FANCD2: variants seen among roughly 807,000 people sequenced by gnomAD.
The protein encoded by FANCD2 is FA complementation group D2, also known as Fanconi anemia group D2 protein.
FANCD2 carries 131 observed loss-of-function variants against 192.3 expected under a neutral mutation model. That is an observed-to-expected ratio of 0.68 (90% CI 0.59 to 0.79). FANCD2 has a LOEUF of 0.79. Among genes scored for constraint, FANCD2 ranks in the 30% least tolerant of loss-of-function variants. FANCD2 has a pLI of 0.00. For synonymous variants in FANCD2, 524 were observed against 612.5 expected (o/e 0.86, Z 2.13); for missense variants, 1,508 against 1,701.6 (o/e 0.89, Z 2.00).
rs571393190 is a variant in FANCD2, at chr3:10,073,145, C to T, written c.2606-108C>T. 8.5e-6 allele frequency: 8 copies of T among 939,090 alleles called. No homozygotes were observed. In the South Asian group the frequency reaches 1.1e-4, roughly 13 times the overall value. 58.2% of individuals were successfully genotyped at this position (939,090 alleles called of 1,614,324 possible). On this transcript the variant is annotated intron_variant, in intron 27 of 43. Transcript: ENST00000675286. ...CTGTAATTTAGGGTTATAAAATTACCTCTTCTACCTCTAGGCAGTTTCCAA... is the reference window on the plus strand; with the variant it reads ...CTGTAATTTAGGGTTATAAAATTACTTCTTCTACCTCTAGGCAGTTTCCAA...
chr3:10,047,454 A>G (rs556294044), intron 15 of FANCD2, among the ~76,000 whole-genome samples: 173 of 152,396 alleles, frequency 1.1e-3, no homozygotes, highest in African/African-American at 4.1e-3. Flanking sequence ...GGGTCCATTA[A>G]TGTCTATGTA....
Position 10,034,706 on chromosome 3 carries a change from AT to A in FANCD2, c.288del (p.Phe96LeufsTer85), listed in dbSNP as rs2086687391. On this transcript the variant is annotated frameshift_variant, in exon 5 of 44. Transcript: ENST00000675286. LOFTEE classifies it high-confidence loss of function. Reference sequence around the variant, plus strand: ...TAAATCTCCTTAAGATAATAGAAGAATTTGTTAGTGGCCTGGAGTCTTACAT... The same window carrying A: ...TAAATCTCCTTAAGATAATAGAAGAATTGTTAGTGGCCTGGAGTCTTACAT... ...HPSYPKIIEEFVSGLESYIED... is the reference protein window; with the variant it reads ...HPSYPKIIEEXVSGLESYIED... The A allele has an allele frequency of 1.3e-6, 2 of 1,563,934 alleles. No individual in the cohort carries two copies. Among genetic ancestry groups the A allele is most frequent in the Non-Finnish European group, 1.7e-6 (2 of 1,153,034 alleles).
At chr3:10,076,966 G>A (rs183533956) in intron 29 of FANCD2, among the ~76,000 whole-genome samples, 1 of 152,220 alleles carries the variant, frequency 6.6e-6, no homozygotes, top group African/African-American at 2.4e-5. Context: ...GGCCAGGCTG[G>A]TCTCAGACTC....
At chr3:10,072,278 C>T (rs981637036) in intron 26 of FANCD2, among the ~76,000 whole-genome samples, 6 of 144,482 alleles carry the variant, frequency 4.2e-5, no homozygotes, top group African/African-American at 1.7e-4. Flanking sequence ...ATATACCTTT[C>T]CCTTTTTTTT....
chr3:10,036,683 A>ATT (rs113017725), intron 7 of FANCD2, among the ~76,000 whole-genome samples: 2 of 144,412 alleles, frequency 1.4e-5, no homozygotes, highest in Non-Finnish European at 3.1e-5. Context: ...TCAAAACAGA[A>ATT]TTTTTTTTTT....
In FANCD2 at chr3:10,062,134, A is replaced by G. The variant is rs780846090; in HGVS notation, c.1767-17A>G. 1 of 1,597,592 alleles carries G rather than the reference A, an allele frequency of 6.3e-7. No homozygotes were observed. The highest frequency in any genetic ancestry group is 1.7e-5 in the Admixed American group (1 of 59,506). On this transcript the variant is annotated splice_polypyrimidine_tract_variant and intron_variant, in intron 19 of 43. Coordinates refer to ENST00000675286, the MANE Select transcript of FANCD2 (RefSeq NM_001018115.3). Reference sequence around the variant, plus strand: ...TAAAGTATAATAATAATTTAAAAAAAAATTCTTTGTTTTTAGAAGTGAATC... The same window carrying G: ...TAAAGTATAATAATAATTTAAAAAAGAATTCTTTGTTTTTAGAAGTGAATC...
chr3:10,031,467 A>G (rs927089273), intron 2 of FANCD2, among the ~76,000 whole-genome samples: 10 of 149,308 alleles, frequency 6.7e-5, no homozygotes, highest in African/African-American at 1.2e-4. Flanking sequence ...GCGCCACTGC[A>G]CTCCAGCCTG....
At chr3:10,048,856 T>C (rs1388798424) in intron 16 of FANCD2, among the ~76,000 whole-genome samples, 86 of 152,294 alleles carry the variant, frequency 5.6e-4, no homozygotes, top group African/African-American at 2.0e-3. Context: ...AATTCTGTTA[T>C]GACTATTATG....
intron 29 of FANCD2, among the ~76,000 whole-genome samples, chr3:10,075,654 G>C (rs1046735378): frequency 2.0e-5 from 3 of 151,222 alleles, no homozygotes; most frequent in African/African-American, 7.3e-5. Context: ...CTAGGTTTAA[G>C]AGAAATTGAA....
chr3:10,074,784 T>C lies in FANCD2; in HGVS notation c.2859+111T>C, dbSNP rs56314425. On this transcript the variant is annotated intron_variant, in intron 29 of 43. Transcript: ENST00000675286. ...CACTGAGGAGAGAAGTTAGACTGAC[T>C]TTTAAAGCCTTTATATGTGAAAGCA... is the stretch of plus-strand genomic sequence containing the variant. 3.8e-5 allele frequency: 36 copies of C among 942,074 alleles called. 1 individual carries two copies. Among genetic ancestry groups the C allele is most frequent in the East Asian group, 2.9e-4 (12 of 41,142 alleles). The allele number at this position is 942,074 out of a possible 1,614,324, so 58.4% of individuals were successfully genotyped here.
intron 32 of FANCD2, among the ~76,000 whole-genome samples, chr3:10,084,700 T>C (rs1390489858): frequency 6.6e-6 from 1 of 152,208 alleles, no homozygotes. Flanking sequence ...GCCCTCAGAA[T>C]ACATTTGTTG....
intron 18 of FANCD2, among the ~76,000 whole-genome samples, chr3:10,059,180 AT>A (rs1046025035): frequency 2.0e-5 from 3 of 151,846 alleles, no homozygotes; most frequent in African/African-American, 7.3e-5. Context: ...CAGCTGGCTA[AT>A]TTTTGTATTT....
chr3:10,054,378 C>CGT (rs1289499171), intron 18 of FANCD2, among the ~76,000 whole-genome samples: 1 of 94,702 alleles, frequency 1.1e-5, no homozygotes, highest in Non-Finnish European at 1.9e-5. Flanking sequence ...CGTGTATATA[C>CGT]ATATATATAT....
intron 26 of FANCD2, among the ~76,000 whole-genome samples, chr3:10,069,037 A>G (rs2087796992): frequency 6.6e-6 from 1 of 151,030 alleles, no homozygotes; most frequent in Non-Finnish European, 1.5e-5. Context: ...TGAAACTACT[A>G]ACAACAACAA....
chr3:10,049,587 A>C, intron 17 of FANCD2, 82 bp downstream of exon 17: 1 of 1,293,892 alleles, frequency 7.7e-7, no homozygotes. Context: ...GATGATGGGC[A>C]AGTAATATAA....
At chr3:10,076,188 T>TTATATATAA (rs1693532892) in intron 29 of FANCD2, among the ~76,000 whole-genome samples, 2 of 151,964 alleles carry the variant, frequency 1.3e-5, no homozygotes, top group Admixed American at 1.3e-4. Context: ...CACTCTGGGG[T>TTATATATAA]CCTGCCCAGA....
intron 3 of FANCD2, among the ~76,000 whole-genome samples, chr3:10,033,983 C>T (rs528102726): frequency 6.6e-6 from 1 of 150,672 alleles, no homozygotes; most frequent in South Asian, 2.1e-4. Flanking sequence ...AGGCATGAGC[C>T]ACCGCGCCCA....
At chr3:10,031,703 C>A (rs1475037529) in intron 2 of FANCD2, among the ~76,000 whole-genome samples, 1 of 152,084 alleles carries the variant, frequency 6.6e-6, no homozygotes, top group African/African-American at 2.4e-5. Flanking sequence ...AGAACCTTCC[C>A]CATTCTGTCT....
intron 15 of FANCD2, among the ~76,000 whole-genome samples, chr3:10,047,006 T>C (rs1185112341): frequency 2.6e-5 from 4 of 152,296 alleles, no homozygotes; most frequent in Non-Finnish European, 5.9e-5. Context: ...TATCACTCTT[T>C]AGCCATTCAA....
Sources: gnomAD v4.1 joint callset for allele counts (sites outside exome capture counted in the v4.1 genomes callset) on GRCh38, gnomAD v4.1.1 for gene constraint, MANE v1.5 for transcripts, NCBI Gene and HGNC (gene_info 2026-07-23, HGNC 2026-07-21) for gene names.